Variants in STRBP observed in about 807,000 individuals in gnomAD.
STRBP encodes spermatid perinuclear RNA binding protein, also known as spermatid perinuclear RNA-binding protein.
A neutral mutation model predicts 80.1 loss-of-function variants in STRBP; 13 were observed. That is an observed-to-expected ratio of 0.16 (90% confidence interval 0.11 to 0.26). The LOEUF is 0.26. Among genes scored for constraint, STRBP ranks in the 10% least tolerant of loss-of-function variants. The probability of loss-of-function intolerance (pLI) is 1.00; values close to 1 mark genes in which losing one functional copy is unlikely to be tolerated. For missense variants in STRBP, 485 were observed against 815.2 expected, an observed-to-expected ratio of 0.59 and a Z score of 4.93; for synonymous variants, 284 against 291.2, an observed-to-expected ratio of 0.98 and a Z score of 0.25.
At position 123,121,693 on chromosome 9, in the gene STRBP, T is replaced by C. The variant is rs1249789570; in HGVS notation, c.*3904A>G. 2.0e-5 allele frequency: 3 copies of C among 151,938 alleles called. No individual in the cohort carries two copies. The highest frequency in any genetic ancestry group is 4.4e-5 in the Non-Finnish European group (3 of 67,970). The allele number at this position is 151,938 out of a possible 1,614,324, so 9.4% of individuals were successfully genotyped here. ...GTTGTATTAGGGCATACAACACAGA[T>C]CAGAGACTTTCATTTCTCGGAGAAG... On this transcript the variant is annotated 3_prime_UTR_variant, in exon 19 of 19. Transcript: ENST00000348403.
chr9:123,204,242 C>T (rs2039433471), intron 2 of STRBP, among the ~76,000 whole-genome samples: 1 of 152,196 alleles, frequency 6.6e-6, no homozygotes. Context: ...TTTTAATAAT[C>T]TTTTAAATTG....
At chr9:123,263,264 T>C (rs2041195083) in intron 1 of STRBP, among the ~76,000 whole-genome samples, 1 of 152,072 alleles carries the variant, frequency 6.6e-6, no homozygotes, top group Non-Finnish European at 1.5e-5. Flanking sequence ...AATTAATGTG[T>C]AATAAAGCAA....
intron 11 of STRBP, among the ~76,000 whole-genome samples, chr9:123,155,357 G>A (rs1002608193): frequency 2.6e-5 from 4 of 152,144 alleles, no homozygotes; most frequent in African/African-American, 7.2e-5. Flanking sequence ...TAGTGTCACC[G>A]ACTTAAAGGG....
At chr9:123,259,655 G>A (rs973610982) in intron 1 of STRBP, among the ~76,000 whole-genome samples, 141 of 152,172 alleles carry the variant, frequency 9.3e-4, no homozygotes, top group African/African-American at 3.3e-3. Flanking sequence ...GTTGCGGTAA[G>A]CCGAGATCAC....
chr9:123,247,146 C>T (rs973648116), intron 1 of STRBP, among the ~76,000 whole-genome samples: 108 of 152,190 alleles, frequency 7.1e-4, no homozygotes, highest in African/African-American at 2.5e-3. Flanking sequence ...CAATGCCCCC[C>T]TCAAAAAGCT....
chr9:123,178,906 G>C, intron 4 of STRBP, 101 bp downstream of exon 4: 1 of 1,124,664 alleles, frequency 8.9e-7, no homozygotes, highest in Non-Finnish European at 1.3e-6. Context: ...ATATGCATAA[G>C]ACAAAATCCA....
At chr9:123,131,169 T>C (rs972333428) in intron 17 of STRBP, among the ~76,000 whole-genome samples, 3 of 152,196 alleles carry the variant, frequency 2.0e-5, no homozygotes, top group Non-Finnish European at 4.4e-5. Flanking sequence ...CTATATGCCT[T>C]CTAACTGATC....
At chr9:123,250,325 C>T (rs1410332410) in intron 1 of STRBP, among the ~76,000 whole-genome samples, 1 of 152,152 alleles carries the variant, frequency 6.6e-6, no homozygotes, top group African/African-American at 2.4e-5. Flanking sequence ...AAATGTAAAA[C>T]AATGCTAGTC....
At chr9:123,244,580 T>C (rs1250322936) in intron 1 of STRBP, among the ~76,000 whole-genome samples, 4 of 152,240 alleles carry the variant, frequency 2.6e-5, no homozygotes, top group African/African-American at 4.8e-5. Context: ...CTCTGAATTA[T>C]CTGCCCAACT....
intron 14 of STRBP, among the ~76,000 whole-genome samples, chr9:123,137,235 C>T (rs1478516992): frequency 6.6e-6 from 1 of 152,146 alleles, no homozygotes; most frequent in African/African-American, 2.4e-5. Flanking sequence ...CAGAGGCTAG[C>T]ATCAAAAGCA....
rs189375469 is a variant in STRBP, at chr9:123,171,900, C to T, written c.390+1777G>A. ...TACCCTGTACACCCTCCAGGGTAAC[C>T]CCCTTGAATACTTGCTAACTAGACA... On this transcript the variant is annotated intron_variant, in intron 5 of 18. Coordinates refer to ENST00000348403, the MANE Select transcript of STRBP (RefSeq NM_018387.5). Among the ~76,000 whole-genome samples the T allele has an allele frequency of 3.1e-3, 468 of 152,182 alleles. 1 individual carries two copies. The highest frequency in any genetic ancestry group is 3.5e-3 in the Non-Finnish European group (241 of 68,000).
chr9:123,127,464 T>C (rs1284690491), intron 18 of STRBP, among the ~76,000 whole-genome samples: 1 of 152,198 alleles, frequency 6.6e-6, no homozygotes, highest in Non-Finnish European at 1.5e-5. Flanking sequence ...GCTGATTCTA[T>C]AACATGTAGC....
At chr9:123,153,247 G>GCTC (rs2037139158) in intron 11 of STRBP, among the ~76,000 whole-genome samples, 1 of 151,116 alleles carries the variant, frequency 6.6e-6, no homozygotes, top group Non-Finnish European at 1.5e-5. Context: ...CTGGAGTGCA[G>GCTC]TGGCATGATC....
chr9:123,188,408 G>A (rs993344742), intron 2 of STRBP, among the ~76,000 whole-genome samples: 10 of 152,112 alleles, frequency 6.6e-5, no homozygotes, highest in African/African-American at 1.4e-4. Flanking sequence ...CTGGGAGCCC[G>A]AGGCAGGCGG....
At chr9:123,219,085 C>A (rs2039990210) in intron 2 of STRBP, among the ~76,000 whole-genome samples, 2 of 120,914 alleles carry the variant, frequency 1.7e-5, no homozygotes, top group Admixed American at 1.5e-4. Context: ...TGTAAATAAT[C>A]ACTGTATCAC....
chr9:123,151,182 AGAAAATCTGAAAC>A (rs2037042561), intron 11 of STRBP, among the ~76,000 whole-genome samples: 1 of 152,218 alleles, frequency 6.6e-6, no homozygotes, highest in Non-Finnish European at 1.5e-5. Context: ...AATTTCAGGC[AGAAAATCTGAAAC>A]GATAAAAGAG....
In STRBP at chr9:123,141,689, C is replaced by T. The variant is rs182897893; in HGVS notation, c.1339-2002G>A. 4.5e-3 allele frequency among the ~76,000 whole-genome samples: 683 copies of T among 152,296 alleles called. 6 individuals carry two copies. Among genetic ancestry groups the T allele is most frequent in the Non-Finnish European group, 7.0e-3 (473 of 68,026 alleles). ...AAATTATTTAATACTTCTCTCCACC[C>T]TTTTCTCACATATCAGATTCACTTA... On this transcript the variant is annotated intron_variant, in intron 13 of 18. Coordinates refer to ENST00000348403, the MANE Select transcript of STRBP (RefSeq NM_018387.5).
At chr9:123,129,374 C>T (rs780320314) in intron 17 of STRBP, among the ~76,000 whole-genome samples, 167 of 152,038 alleles carry the variant, frequency 1.1e-3, no homozygotes, top group Non-Finnish European at 2.2e-3. Flanking sequence ...ATAATAATAA[C>T]AACAACTTAT....
At chr9:123,170,149 A>G in intron 5 of STRBP, 103 bp from the exon 6 acceptor site, 1 of 1,149,442 alleles carries the variant, frequency 8.7e-7, no homozygotes, top group Non-Finnish European at 1.2e-6. Context: ...TACTATTAAT[A>G]TTACTGTGCT....
Sources: allele counts gnomAD v4.1 joint callset (sites outside exome capture counted in the v4.1 genomes callset), GRCh38; gene constraint gnomAD v4.1.1; transcripts MANE v1.5; gene names NCBI Gene and HGNC (gene_info 2026-07-23, HGNC 2026-07-21).